The following SNTG1 variants were observed in gnomAD, a reference collection of about 807,000 sequenced individuals.
SNTG1 encodes the protein syntrophin gamma 1, also known as gamma-1-syntrophin.
SNTG1 carries 39 observed loss-of-function variants against 74.7 expected under a neutral mutation model. The ratio of observed to expected loss-of-function variants is 0.52; its 90% CI spans 0.40 to 0.68. The LOEUF (loss-of-function observed/expected upper bound fraction) is 0.68. Among genes scored for constraint, SNTG1 ranks in the 30% least tolerant of loss-of-function variants. The pLI is 0.00. For missense variants in SNTG1, 685 were observed against 609.5 expected (o/e 1.12, Z -1.30); for synonymous variants, 254 against 217.1 (o/e 1.17, Z -1.49).
chr8:50,701,658 CTCT>C (rs1460030922), intron 15 of SNTG1, among the ~76,000 whole-genome samples: 96 of 128,654 alleles, frequency 7.5e-4, no homozygotes, highest in South Asian at 4.5e-3. Flanking sequence ...CTTTTTCTTC[CTCT>C]TCTTCTTCTT....
chr8:50,725,247 G>A (rs1487642942), intron 17 of SNTG1, among the ~76,000 whole-genome samples: 2 of 152,010 alleles, frequency 1.3e-5, no homozygotes, highest in Non-Finnish European at 2.9e-5. Context: ...GTTCCATTTG[G>A]CTTTTATGCA....
chr8:50,236,514 T>A (rs1263273487), intron 2 of SNTG1, among the ~76,000 whole-genome samples: 4 of 149,586 alleles, frequency 2.7e-5, no homozygotes, highest in Non-Finnish European at 5.9e-5. Context: ...GCAGTGGCGC[T>A]ATCCCGGCTC....
At chr8:50,102,149 G>A (rs1342416115) in intron 1 of SNTG1, among the ~76,000 whole-genome samples, 1 of 148,608 alleles carries the variant, frequency 6.7e-6, no homozygotes, top group Non-Finnish European at 1.5e-5. Context: ...CTTCCACAAT[G>A]GTTGAACTAG....
chr8:50,516,382 ACTT>A (rs1185922099), intron 9 of SNTG1, among the ~76,000 whole-genome samples: 1 of 152,146 alleles, frequency 6.6e-6, no homozygotes, highest in East Asian at 1.9e-4. Flanking sequence ...CCAGAACACC[ACTT>A]CTTCTCCAAA....
intron 15 of SNTG1, among the ~76,000 whole-genome samples, chr8:50,676,114 G>T (rs1585491446): frequency 6.6e-6 from 1 of 151,862 alleles, no homozygotes; most frequent in East Asian, 1.9e-4. Flanking sequence ...GTGTCTTGGG[G>T]TATATCTTCT....
chr8:50,197,305 C>G (rs531077531), intron 2 of SNTG1, among the ~76,000 whole-genome samples: 1 of 152,260 alleles, frequency 6.6e-6, no homozygotes, highest in African/African-American at 2.4e-5. Flanking sequence ...TATATACATT[C>G]AAATACATTC....
chr8:49,963,841 T>A (rs1002774590), intron 1 of SNTG1, among the ~76,000 whole-genome samples: 3 of 152,262 alleles, frequency 2.0e-5, no homozygotes, highest in Non-Finnish European at 2.9e-5. Flanking sequence ...ATAGCCAATA[T>A]GATAAAACGT....
At chr8:50,075,766 C>T (rs970405980) in intron 1 of SNTG1, among the ~76,000 whole-genome samples, 3 of 152,260 alleles carry the variant, frequency 2.0e-5, no homozygotes, top group Middle Eastern at 3.4e-3. Context: ...CACGAACCCC[C>T]TGGGAGGAAT....
Position 50,264,366 on chromosome 8 carries a change from G to T in SNTG1, c.-28+91731G>T, listed in dbSNP as rs141755686. On this transcript the variant is annotated intron_variant, in intron 2 of 18. Transcript: ENST00000642720. Reference sequence around the variant, plus strand: ...GAAGATCGTTTGAGGTCAGGAGTTCGAGACCAGCCTGACCAACATGGTGAA... The same window carrying T: ...GAAGATCGTTTGAGGTCAGGAGTTCTAGACCAGCCTGACCAACATGGTGAA... Among the ~76,000 whole-genome samples the T allele has an allele frequency of 4.2e-3, 639 of 152,008 alleles. 9 individuals are homozygous for T. Among genetic ancestry groups the T allele is most frequent in the African/African-American group, 0.014 (582 of 41,474 alleles).
At chr8:50,099,505 A>G (rs1248905126) in intron 1 of SNTG1, among the ~76,000 whole-genome samples, 1 of 152,134 alleles carries the variant, frequency 6.6e-6, no homozygotes. Context: ...TTGGATAGAT[A>G]TCCAGAGGTA....
At chr8:50,549,085 G>C (rs1431398549) in intron 11 of SNTG1, among the ~76,000 whole-genome samples, 1 of 152,154 alleles carries the variant, frequency 6.6e-6, no homozygotes, top group Non-Finnish European at 1.5e-5. Context: ...GACTTCTTTA[G>C]GGAATGACAA....
chr8:50,580,694 G>A (rs979961585), intron 12 of SNTG1, among the ~76,000 whole-genome samples: 5 of 152,206 alleles, frequency 3.3e-5, no homozygotes, highest in South Asian at 2.1e-4. Context: ...GATGAAGGAC[G>A]TCTTTGCTTC....
At chr8:50,341,006 T>G (rs1222370920) in intron 2 of SNTG1, among the ~76,000 whole-genome samples, 2 of 151,938 alleles carry the variant, frequency 1.3e-5, no homozygotes, top group African/African-American at 4.8e-5. Context: ...CCTCCAAATG[T>G]GAGATAGTTA....
intron 8 of SNTG1, among the ~76,000 whole-genome samples, chr8:50,461,608 A>G (rs1334105205): frequency 1.1e-4 from 16 of 152,102 alleles, no homozygotes. Flanking sequence ...ATACTATCTT[A>G]TATATTTTAC....
At chr8:50,626,585 A>T (rs2094957719) in intron 13 of SNTG1, among the ~76,000 whole-genome samples, 1 of 152,266 alleles carries the variant, frequency 6.6e-6, no homozygotes, top group Non-Finnish European at 1.5e-5. Context: ...CCTTACAGGA[A>T]ACAAAGGAAT....
rs182033690 is a variant in SNTG1, at chr8:50,639,961, T to A, written c.850-16948T>A. 1.6e-3 allele frequency among the ~76,000 whole-genome samples: 244 copies of A among 152,304 alleles called. 2 individuals carry two copies. Among genetic ancestry groups the A allele is most frequent in the Middle Eastern group, 0.01 (3 of 292 alleles). On this transcript the variant is annotated intron_variant, in intron 13 of 18. Coordinates refer to ENST00000642720, the MANE Select transcript of SNTG1 (RefSeq NM_018967.5). ...TATATCCTCATCCTTCAGCCACTTC[T>A]AGTTCTTATTTGGTCATAAAATTTC... is the stretch of plus-strand genomic sequence containing the variant.
At chr8:50,696,393 A>C (rs1185493880) in intron 15 of SNTG1, among the ~76,000 whole-genome samples, 4 of 151,990 alleles carry the variant, frequency 2.6e-5, no homozygotes, top group Non-Finnish European at 5.9e-5. Flanking sequence ...CATGGCTTGA[A>C]AATATTTTTT....
chr8:50,526,313 C>T (rs1468770160), intron 9 of SNTG1, among the ~76,000 whole-genome samples: 1 of 152,168 alleles, frequency 6.6e-6, no homozygotes, highest in Non-Finnish European at 1.5e-5. Flanking sequence ...TTTTCTTCCA[C>T]TCTAGAGAGT....
chr8:50,031,746 AT>A (rs1408089899), intron 1 of SNTG1, among the ~76,000 whole-genome samples: 3 of 151,958 alleles, frequency 2.0e-5, no homozygotes, highest in African/African-American at 7.2e-5. Flanking sequence ...TTTGTTAACA[AT>A]TTTTTATCTA....
Sources: gnomAD v4.1 joint callset for allele counts (sites outside exome capture counted in the v4.1 genomes callset) on GRCh38, gnomAD v4.1.1 for gene constraint, MANE v1.5 for transcripts, NCBI Gene and HGNC (gene_info 2026-07-23, HGNC 2026-07-21) for gene names.